The following KIAA0825 variants were observed in gnomAD, a reference collection of about 807,000 sequenced individuals.
The protein encoded by KIAA0825 is KIAA0825.
Under a neutral mutation model 147.6 loss-of-function variants are expected in KIAA0825, and 119 were observed. The observed-to-expected ratio is 0.81, with a 90% CI of 0.69 to 0.94. The LOEUF is 0.94. Ranked by LOEUF, KIAA0825 falls within the 40% of genes least tolerant of loss-of-function variation. The pLI, the probability that KIAA0825 is intolerant of heterozygous loss-of-function variation, is 0.00. For missense variants in KIAA0825, 1,381 were observed against 1,472.7 expected (o/e 0.94, Z 1.02); for synonymous variants, 470 against 518.1 (o/e 0.91, Z 1.26).
intron 2 of KIAA0825, among the ~76,000 whole-genome samples, chr5:94,580,125 T>C (rs1781806728): frequency 6.6e-6 from 1 of 152,186 alleles, no homozygotes; most frequent in Non-Finnish European, 1.5e-5. Flanking sequence ...AGGAAATTTA[T>C]TTCAACATTG....
chr5:94,594,007 T>C (rs1361899454), intron 1 of KIAA0825: 5 of 503,538 alleles, frequency 9.9e-6, no homozygotes, highest in Non-Finnish European at 2.0e-5. Flanking sequence ...AATTTTTAAC[T>C]ATGATCCACC....
intron 20 of KIAA0825, among the ~76,000 whole-genome samples, chr5:94,298,503 G>C (rs1457879843): frequency 6.6e-6 from 1 of 152,174 alleles, no homozygotes; most frequent in African/African-American, 2.4e-5. Context: ...ACGCTTATTT[G>C]TGTGGGACGT....
intron 20 of KIAA0825, among the ~76,000 whole-genome samples, chr5:94,378,106 C>T (rs1397126428): frequency 6.6e-6 from 1 of 152,032 alleles, no homozygotes; most frequent in African/African-American, 2.4e-5. Context: ...TTTATTTATT[C>T]ATTTAACTTT....
At chr5:94,571,755 C>T (rs560661914) in intron 2 of KIAA0825, among the ~76,000 whole-genome samples, 2 of 152,148 alleles carry the variant, frequency 1.3e-5, no homozygotes, top group Non-Finnish European at 2.9e-5. Flanking sequence ...GAGAGTTATA[C>T]ATGAATTATT....
intron 2 of KIAA0825, among the ~76,000 whole-genome samples, chr5:94,552,109 G>A (rs556304443): frequency 6.6e-6 from 1 of 151,916 alleles, no homozygotes; most frequent in African/African-American, 2.4e-5. Context: ...CCAAAAGCAA[G>A]CAGAAATAGC....
Position 94,391,521 on chromosome 5 carries a change from GGCCGTTTCCCTACCTCATT to G in KIAA0825, c.3451_3456+13del, listed in dbSNP as rs766167375. The G allele has an allele frequency of 5.7e-4, 889 of 1,551,326 alleles. 1 individual carries two copies. The highest frequency in any genetic ancestry group is 7.2e-4 in the Non-Finnish European group (830 of 1,146,760). On this transcript the variant is annotated splice_donor_variant and splice_donor_5th_base_variant and coding_sequence_variant and intron_variant, in exon 18 of 21. Transcript: ENST00000682413. LOFTEE classifies it high-confidence loss of function. ...TACACACCTAATTGCTCGATAAAAAGGCCGTTTCCCTACCTCATTGAGCTGCATGATGTGATAAATTTGC... is the reference window on the plus strand; with the variant it reads ...TACACACCTAATTGCTCGATAAAAAGGAGCTGCATGATGTGATAAATTTGC...
intron 20 of KIAA0825, among the ~76,000 whole-genome samples, chr5:94,174,708 G>T (rs1768929467): frequency 6.6e-6 from 1 of 152,010 alleles, no homozygotes; most frequent in Admixed American, 6.6e-5. Context: ...AAAAAACTCT[G>T]TCCTTTGCTA....
At chr5:94,379,844 CTTTTTTTTTTT>C (rs59886046) in intron 20 of KIAA0825, among the ~76,000 whole-genome samples, 254 of 55,722 alleles carry the variant, frequency 4.6e-3, no homozygotes, top group South Asian at 0.018. Context: ...GTATTTTATT[CTTTTTTTTTTT>C]TTTTTTTTTT....
chr5:94,315,432 T>C (rs1296839134), intron 20 of KIAA0825, among the ~76,000 whole-genome samples: 2 of 151,646 alleles, frequency 1.3e-5, no homozygotes, highest in Non-Finnish European at 3.0e-5. Flanking sequence ...GTAGAAATCC[T>C]TCTATAAATG....
chr5:94,236,969 TTGAA>T (rs770628719), intron 20 of KIAA0825, among the ~76,000 whole-genome samples: 12 of 152,210 alleles, frequency 7.9e-5, no homozygotes, highest in Non-Finnish European at 1.6e-4. Context: ...ACTCAGTTTA[TTGAA>T]ATATTCACTT....
chr5:94,357,118 T>A (rs1784371093), intron 20 of KIAA0825, among the ~76,000 whole-genome samples: 2 of 152,188 alleles, frequency 1.3e-5, no homozygotes, highest in Admixed American at 6.5e-5. Context: ...CACAGGTAAC[T>A]TGAAGTAGAG....
rs1561268162 is a variant in KIAA0825, at chr5:94,529,275, G to GTATCATATATATGTATA, written c.132-5194_132-5178dup. Among the ~76,000 whole-genome samples, 95 of 108,506 alleles carry GTATCATATATATGTATA rather than the reference G, an allele frequency of 8.8e-4. 1 individual carries two copies. Among genetic ancestry groups the GTATCATATATATGTATA allele is most frequent in the Non-Finnish European group, 1.2e-3 (66 of 55,326 alleles). 71.2% of individuals were successfully genotyped at this position (108,506 alleles called of 152,430 possible). A position where few individuals can be genotyped will look rare whatever the true frequency, so the allele number is the denominator to read the frequency against. ...ATATGTATATATCATATATATGTAT[G>GTATCATATATATGTATA]TATCATATATATGTATATATCATAT... On this transcript the variant is annotated intron_variant, in intron 3 of 20. Transcript: ENST00000682413.
chr5:94,211,660 T>G (rs991409163), intron 20 of KIAA0825, among the ~76,000 whole-genome samples: 1 of 152,192 alleles, frequency 6.6e-6, no homozygotes, highest in African/African-American at 2.4e-5. Context: ...CCGTATACTT[T>G]GTCCACTATC....
intron 1 of KIAA0825, among the ~76,000 whole-genome samples, chr5:94,596,576 T>C (rs146841194): frequency 1.6e-3 from 245 of 152,318 alleles, no homozygotes; most frequent in African/African-American, 5.5e-3. Context: ...TTTTGTTCCA[T>C]AGGAATTTTA....
At chr5:94,577,305 A>G (rs1781240795) in intron 2 of KIAA0825, among the ~76,000 whole-genome samples, 2 of 152,226 alleles carry the variant, frequency 1.3e-5, no homozygotes, top group Admixed American at 1.3e-4. Flanking sequence ...AGAGTGGGAA[A>G]AGAGACAAAG....
At position 94,564,973 on chromosome 5, in the gene KIAA0825, C is replaced by T. The variant is rs115780791; in HGVS notation, c.-2+17460G>A. Among the ~76,000 whole-genome samples the T allele has an allele frequency of 3.2e-3, 239 of 75,080 alleles. 1 individual carries two copies. The highest frequency in any genetic ancestry group is 0.018 in the East Asian group (53 of 2,882). 49.3% of individuals were successfully genotyped at this position (75,080 alleles called of 152,430 possible). On this transcript the variant is annotated intron_variant, in intron 2 of 20. Coordinates refer to ENST00000682413, the MANE Select transcript of KIAA0825 (RefSeq NM_001145678.3). Reference sequence around the variant, plus strand: ...TTTTCTTTTCTTTTCTTTTCTTTTTCTTCTCTTCTCTTCTCTTCTCCTCTC... The same window carrying T: ...TTTTCTTTTCTTTTCTTTTCTTTTTTTTCTCTTCTCTTCTCTTCTCCTCTC...
chr5:94,361,159 T>A (rs961035337), intron 20 of KIAA0825, among the ~76,000 whole-genome samples: 2 of 152,248 alleles, frequency 1.3e-5, no homozygotes, highest in Non-Finnish European at 2.9e-5. Flanking sequence ...TTTTCTTACA[T>A]AAAATGAAGT....
intron 5 of KIAA0825, among the ~76,000 whole-genome samples, chr5:94,512,259 GA>G (rs35386287): frequency 1.3e-5 from 2 of 151,446 alleles, no homozygotes; most frequent in African/African-American, 2.4e-5. Flanking sequence ...GAACATTTAT[GA>G]AAAAAAAGTT....
intron 20 of KIAA0825, among the ~76,000 whole-genome samples, chr5:94,287,477 A>G (rs1427322753): frequency 1.3e-5 from 2 of 152,322 alleles, no homozygotes; most frequent in South Asian, 4.1e-4. Context: ...TTCTGTTTCA[A>G]AAACAAGTAT....
Sources: allele counts gnomAD v4.1 joint callset (sites outside exome capture counted in the v4.1 genomes callset), GRCh38; gene constraint gnomAD v4.1.1; transcripts MANE v1.5; gene names NCBI Gene and HGNC (gene_info 2026-07-23, HGNC 2026-07-21).